The following MPHOSPH8 variants were observed in gnomAD, a reference collection of about 807,000 sequenced individuals.
MPHOSPH8 encodes the protein M-phase phosphoprotein, mpp.
In MPHOSPH8, 45 loss-of-function variants were observed where a neutral mutation model predicts 87.3. That is an observed-to-expected ratio of 0.52 (90% CI 0.41 to 0.66). MPHOSPH8 has a LOEUF of 0.66. Among genes scored for constraint, MPHOSPH8 ranks in the 30% least tolerant of loss-of-function variants. The pLI, the probability that MPHOSPH8 is intolerant of heterozygous loss-of-function variation, is 0.00. For missense variants in MPHOSPH8, 883 were observed against 1,020.2 expected, an observed-to-expected ratio of 0.87 and a Z score of 1.83; for synonymous variants, 366 against 376.9, an observed-to-expected ratio of 0.97 and a Z score of 0.33.
intron 13 of MPHOSPH8, 74 bp from the exon 14 acceptor site, chr13:19,671,760 A>G: frequency 1.4e-6 from 2 of 1,408,704 alleles, no homozygotes; most frequent in East Asian, 2.3e-5. Context: ...AATCTTGGCC[A>G]TTTGTGGGTT....
At chr13:19,649,963 G>C in intron 4 of MPHOSPH8, 40 bp from the exon 5 acceptor site, 1 of 1,456,872 alleles carries the variant, frequency 6.9e-7, no homozygotes, top group East Asian at 2.3e-5. Flanking sequence ...ACAGAAATTT[G>C]TGACTCATAC....
Position 19,650,052 on chromosome 13 carries a change from A to G in MPHOSPH8, c.1368A>G (p.Glu456=), listed in dbSNP as rs1311998984. The change falls in exon 5 of 14, where the codon GAA becomes GAG. Residue 456 remains glutamate, a synonymous_variant. Transcript: ENST00000361479. ...NAFDLFKLTP[E]EKNDVSENNR... ...TTGATTTATTTAAATTAACTCCAGA[A>G]GAAAAAAATGATGTTTCTGAGAATA... 6.2e-7 allele frequency: 1 copy of G among 1,607,896 alleles called. No individual in the cohort carries two copies. The highest frequency in any genetic ancestry group is 1.3e-5 in the African/African-American group (1 of 74,436).
chr13:19,671,926 T>C lies in MPHOSPH8; in HGVS notation c.*51T>C. 6.4e-7 allele frequency: 1 copy of C among 1,569,600 alleles called. No homozygotes were observed. The highest frequency in any genetic ancestry group is 8.8e-7 in the Non-Finnish European group (1 of 1,141,008). Reference sequence around the variant, plus strand: ...TCTCTTCAGACCGATTCCTATACTCTCTTTGACAGCAGTTTGGAATTCTTC... The same window carrying C: ...TCTCTTCAGACCGATTCCTATACTCCCTTTGACAGCAGTTTGGAATTCTTC... On this transcript the variant is annotated 3_prime_UTR_variant, in exon 14 of 14. Coordinates refer to ENST00000361479, the MANE Select transcript of MPHOSPH8 (RefSeq NM_017520.4).
In MPHOSPH8 at chr13:19,650,201, T is replaced by C. The variant is rs1412293129; in HGVS notation, c.1517T>C (p.Ile506Thr). Residue 506 changes from isoleucine to threonine, a missense_variant, in exon 5 of 14, where the codon ATT becomes ACT. By Grantham distance (89) the Ile-to-Thr change is moderately conservative. Around this residue, in one of 3 missense-constraint regions of MPHOSPH8, gnomAD observed 741 missense variants for 841.5 expected, o/e 0.88. Coordinates refer to ENST00000361479, the MANE Select transcript of MPHOSPH8 (RefSeq NM_017520.4). ...GACGAAACGGATACTTGGGCATACA[T>C]TGCTGCAGAAGGTGATCAGGAGGTT... ...TRDETDTWAY[I>T]AAEGDQEVLD... 6.2e-7 allele frequency: 1 copy of C among 1,614,136 alleles called. No individual in the cohort carries two copies. The highest frequency in any genetic ancestry group is 1.1e-5 in the South Asian group (1 of 91,086).
intron 5 of MPHOSPH8, among the ~76,000 whole-genome samples, chr13:19,655,929 A>G (rs544101198): frequency 6.6e-6 from 1 of 151,966 alleles, no homozygotes; most frequent in Admixed American, 6.6e-5. Flanking sequence ...CCTGGGCAAC[A>G]TGGTGAAACT....
rs1251840133 is a variant in MPHOSPH8, at chr13:19,672,931, C to T, written c.*1056C>T. ...CTGGGTAACATGGGGTGGAACAAGC[C>T]TGTAGTCCCAGATACTCAGGAGGCT... On this transcript the variant is annotated 3_prime_UTR_variant, in exon 14 of 14. Transcript: ENST00000361479. The T allele has an allele frequency of 5.4e-6, 2 of 373,632 alleles. No homozygotes were observed. The highest frequency in any genetic ancestry group is 4.3e-5 in the African/African-American group (2 of 46,962). 23.1% of individuals were successfully genotyped at this position (373,632 alleles called of 1,614,324 possible). A position where few individuals can be genotyped will look rare whatever the true frequency, so the allele number is the denominator to read the frequency against.
At chr13:19,650,998 C>T (rs993863432) in intron 5 of MPHOSPH8, among the ~76,000 whole-genome samples, 2 of 152,148 alleles carry the variant, frequency 1.3e-5, no homozygotes, top group South Asian at 2.1e-4. Context: ...AGAGGTATGT[C>T]GCCCAGAGGG....
intron 3 of MPHOSPH8, among the ~76,000 whole-genome samples, chr13:19,647,817 TA>T (rs1248735678): frequency 3.3e-5 from 5 of 152,166 alleles, no homozygotes; most frequent in Admixed American, 6.5e-5. Context: ...TCAAGGGCTA[TA>T]AAAAACATCA....
At chr13:19,668,680 C>G (rs1875954465) in intron 11 of MPHOSPH8, 149 bp downstream of exon 11, 1 of 879,952 alleles carries the variant, frequency 1.1e-6, no homozygotes, top group Non-Finnish European at 1.7e-6. Flanking sequence ...TAGAGCCACT[C>G]TGGTGGAAGA....
At chr13:19,635,492 C>T (rs1398936438) in intron 1 of MPHOSPH8, among the ~76,000 whole-genome samples, 3 of 152,140 alleles carry the variant, frequency 2.0e-5, no homozygotes, top group Admixed American at 1.3e-4. Flanking sequence ...TGCGCCACTG[C>T]CCTCCAGCCT....
chr13:19,656,174 G>T (rs1875154040), intron 5 of MPHOSPH8, among the ~76,000 whole-genome samples: 1 of 149,002 alleles, frequency 6.7e-6, no homozygotes, highest in African/African-American at 2.5e-5. Context: ...AGCTACTCAG[G>T]AAGCTAAGGT....
At chr13:19,663,308 G>A (rs1875648001) in intron 9 of MPHOSPH8, among the ~76,000 whole-genome samples, 182 bp downstream of exon 9, 1 of 152,226 alleles carries the variant, frequency 6.6e-6, no homozygotes. Context: ...TGAGAGCTCA[G>A]TATGGGCAGT....
intron 10 of MPHOSPH8, 69 bp from the exon 11 acceptor site, chr13:19,668,308 C>T: frequency 7.0e-7 from 1 of 1,432,542 alleles, no homozygotes; most frequent in Non-Finnish European, 9.5e-7. Context: ...GGGAAGCCCT[C>T]ACTGGTATTC....
intron 9 of MPHOSPH8, 117 bp downstream of exon 9, chr13:19,663,243 T>G: frequency 1.1e-6 from 1 of 901,634 alleles, no homozygotes; most frequent in Non-Finnish European, 1.8e-6. Context: ...ACCAAGACAG[T>G]CCTAGAGTCA....
intron 10 of MPHOSPH8, among the ~76,000 whole-genome samples, chr13:19,667,140 C>T (rs1485748755): frequency 1.3e-5 from 2 of 152,070 alleles, no homozygotes; most frequent in Admixed American, 6.5e-5. Flanking sequence ...CCAGCCTGGG[C>T]GACAGAGCAA....
chr13:19,634,366 TA>T (rs1304523532), intron 1 of MPHOSPH8, among the ~76,000 whole-genome samples: 1 of 152,220 alleles, frequency 6.6e-6, no homozygotes, highest in Non-Finnish European at 1.5e-5. Context: ...CTCCCTGGTT[TA>T]AAATCTTCCG....
At chr13:19,660,641 G>A (rs1875474208) in intron 7 of MPHOSPH8, among the ~76,000 whole-genome samples, 1 of 152,064 alleles carries the variant, frequency 6.6e-6, no homozygotes, top group Non-Finnish European at 1.5e-5. Flanking sequence ...AAAGTTCTAT[G>A]GGTTTTTTCA....
intron 2 of MPHOSPH8, 40 bp downstream of exon 2, chr13:19,642,310 A>G: frequency 6.8e-7 from 1 of 1,473,234 alleles, no homozygotes; most frequent in Non-Finnish European, 9.1e-7. Context: ...ACATACATAA[A>G]TTTATTGTAA....
chr13:19,642,824 C>A (rs1370286581), intron 2 of MPHOSPH8, among the ~76,000 whole-genome samples: 1 of 152,102 alleles, frequency 6.6e-6, no homozygotes, highest in African/African-American at 2.4e-5. Context: ...AATACCTAGT[C>A]TTTTCTTAAA....
Sources: gnomAD v4.1 joint callset for allele counts (sites outside exome capture counted in the v4.1 genomes callset) on GRCh38, gnomAD v4.1.1 for gene constraint, gnomAD v4.1.1 regional missense constraint, MANE v1.5 for transcripts, NCBI Gene and HGNC (gene_info 2026-07-23, HGNC 2026-07-21) for gene names.